The following TBC1D1 variants were observed in gnomAD, a reference collection of about 807,000 sequenced individuals.
TBC1D1 encodes the protein TBC1 (tre-2/USP6, BUB2, cdc16) domain family, member 1.
In TBC1D1, 89 loss-of-function variants were observed where a neutral mutation model predicts 125.6. The ratio of observed to expected loss-of-function variants is 0.71; its 90% CI spans 0.60 to 0.85. The LOEUF (loss-of-function observed/expected upper bound fraction) is 0.85, where lower values mean the gene tolerates loss of function less well. Ranked by LOEUF, TBC1D1 falls within the 40% of genes least tolerant of loss-of-function variation. TBC1D1 has a pLI of 0.00. For synonymous variants in TBC1D1, 565 were observed against 564.1 expected (o/e 1.00, Z -0.02); for missense variants, 1,377 against 1,469.2 (o/e 0.94, Z 1.03).
At chr4:38,091,948 T>C in intron 13 of TBC1D1, among the ~76,000 whole-genome samples, 1 of 152,258 alleles carries the variant, frequency 6.6e-6, no homozygotes, top group Non-Finnish European at 1.5e-5. Flanking sequence ...TCTTCTTAGC[T>C]CTGTAAAGTT....
chr4:37,905,597 G>A (rs948661565), intron 2 of TBC1D1, among the ~76,000 whole-genome samples: 2 of 152,180 alleles, frequency 1.3e-5, no homozygotes, highest in African/African-American at 2.4e-5. Context: ...TTTCCCAGGC[G>A]ATTTTCTGCT....
At chr4:37,912,798 C>T (rs763637511) in intron 2 of TBC1D1, among the ~76,000 whole-genome samples, 4 of 152,204 alleles carry the variant, frequency 2.6e-5, no homozygotes, top group Non-Finnish European at 4.4e-5. Flanking sequence ...ACCAATCCTA[C>T]CTGAGCCTTA....
intron 2 of TBC1D1, among the ~76,000 whole-genome samples, chr4:37,985,722 G>T (rs1006142376): frequency 3.9e-5 from 6 of 152,178 alleles, no homozygotes; most frequent in South Asian, 2.1e-4. Context: ...TGTGGTATTA[G>T]GCAGGGTAGA....
chr4:37,970,664 C>A (rs1427770912), intron 2 of TBC1D1, among the ~76,000 whole-genome samples: 1 of 152,344 alleles, frequency 6.6e-6, no homozygotes, highest in Middle Eastern at 3.4e-3. Flanking sequence ...TTCCCTGCTA[C>A]CCTCTATGCC....
intron 11 of TBC1D1, among the ~76,000 whole-genome samples, chr4:38,052,726 GCGCA>G (rs1413318226): frequency 6.5e-4 from 45 of 69,004 alleles, no homozygotes; most frequent in African/African-American, 1.3e-3. Context: ...GCGCGCGCGC[GCGCA>G]CACACACACA....
intron 10 of TBC1D1, among the ~76,000 whole-genome samples, chr4:38,047,820 G>A (rs1162314424): frequency 1.3e-5 from 2 of 152,184 alleles, no homozygotes; most frequent in Non-Finnish European, 2.9e-5. Context: ...TAGGAATTGT[G>A]CCTATGGAAG....
chr4:38,012,420 G>A (rs73236887), intron 2 of TBC1D1, among the ~76,000 whole-genome samples: 3,528 of 152,090 alleles, frequency 0.023, 54 homozygotes, highest in Middle Eastern at 0.054. Context: ...GACTGCAGGC[G>A]CACACCACCT....
chr4:38,108,092 A>G (rs1761635445), intron 15 of TBC1D1, among the ~76,000 whole-genome samples: 1 of 151,814 alleles, frequency 6.6e-6, no homozygotes, highest in South Asian at 2.1e-4. Flanking sequence ...GACAATTGCC[A>G]CTGTTTTCAT....
At chr4:38,120,631 G>A (rs1234277329) in intron 17 of TBC1D1, among the ~76,000 whole-genome samples, 1 of 152,228 alleles carries the variant, frequency 6.6e-6, no homozygotes, top group Non-Finnish European at 1.5e-5. Context: ...CATTAAGTAT[G>A]TATCTGCTCC....
Position 38,054,305 on chromosome 4 carries a change from C to T in TBC1D1, c.2017C>T (p.Gln673Ter). ...GATATTCCTCCGAGTAGCCACCCCG[C>T]AGAAGGCGTGCGATTCTTCCAGCAG... Residue 673 changes from glutamine (Q) to a stop codon, truncating the protein, a stop_gained, in exon 12 of 20, where the codon CAG becomes TAG. Transcript: ENST00000261439. LOFTEE classifies it high-confidence loss of function. 1 of 1,614,186 alleles carries T rather than the reference C, an allele frequency of 6.2e-7. No homozygotes were observed. The highest frequency in any genetic ancestry group is 8.5e-7 in the Non-Finnish European group (1 of 1,180,030).
At chr4:37,924,906 G>T (rs780258948) in intron 2 of TBC1D1, among the ~76,000 whole-genome samples, 1 of 152,072 alleles carries the variant, frequency 6.6e-6, no homozygotes, top group African/African-American at 2.4e-5. Flanking sequence ...GGAATTCCTG[G>T]GTCAACCAAG....
intron 2 of TBC1D1, among the ~76,000 whole-genome samples, chr4:37,983,303 C>T (rs1578147544): frequency 1.3e-5 from 2 of 151,852 alleles, no homozygotes; most frequent in Admixed American, 6.6e-5. Context: ...TTAGTAGAGA[C>T]GGGGTTTCAC....
chr4:37,900,024 C>G (rs774773722), intron 1 of TBC1D1, among the ~76,000 whole-genome samples: 15 of 151,440 alleles, frequency 9.9e-5, no homozygotes, highest in African/African-American at 7.3e-5. Context: ...GGGAGGCTGA[C>G]GCGGGAGAAT....
chr4:37,951,424 A>G (rs1035143208), intron 2 of TBC1D1, among the ~76,000 whole-genome samples: 5 of 152,198 alleles, frequency 3.3e-5, no homozygotes, highest in African/African-American at 1.2e-4. Flanking sequence ...TTAAAAAAAT[A>G]CATGGCCTCA....
intron 2 of TBC1D1, among the ~76,000 whole-genome samples, chr4:38,010,567 C>T (rs1307628132): frequency 6.6e-6 from 1 of 152,226 alleles, no homozygotes; most frequent in East Asian, 1.9e-4. Context: ...ACTCATTGCA[C>T]TGTCTCCCCA....
At chr4:38,133,039 GTTT>G in intron 18 of TBC1D1, 42 bp from the exon 21 acceptor site, 1 of 1,569,794 alleles carries the variant, frequency 6.4e-7, no homozygotes, top group Non-Finnish European at 8.6e-7. Context: ...TACTTGTGGG[GTTT>G]TTCTCAGTTT....
chr4:38,047,173 CCTA>C (rs1426628302), intron 10 of TBC1D1, among the ~76,000 whole-genome samples: 1 of 152,194 alleles, frequency 6.6e-6, no homozygotes, highest in Non-Finnish European at 1.5e-5. Flanking sequence ...AGTTGTACCA[CCTA>C]CTAACATGAT....
chr4:38,022,136 T>C (rs1344506742), intron 6 of TBC1D1, among the ~76,000 whole-genome samples: 1 of 152,128 alleles, frequency 6.6e-6, no homozygotes, highest in Non-Finnish European at 1.5e-5. Context: ...CTAGTACAGT[T>C]TGGATGGAGA....
chr4:38,108,666 G>C (rs776855535), intron 15 of TBC1D1, among the ~76,000 whole-genome samples: 3 of 152,228 alleles, frequency 2.0e-5, no homozygotes, highest in Non-Finnish European at 4.4e-5. Context: ...GGGTCCAGCA[G>C]CAGAGCTGTC....
Sources: allele counts gnomAD v4.1 joint callset (sites outside exome capture counted in the v4.1 genomes callset), GRCh38; gene constraint gnomAD v4.1.1; transcripts MANE v1.5; gene names NCBI Gene and HGNC (gene_info 2026-07-23, HGNC 2026-07-21).